EPS8: variants seen among roughly 807,000 people sequenced by gnomAD.
EPS8 encodes epidermal growth factor receptor kinase substrate 8.
Under a neutral mutation model 103.8 loss-of-function variants are expected in EPS8, and 42 were observed. The ratio of observed to expected loss-of-function variants is 0.40; its 90% confidence interval spans 0.32 to 0.52. The LOEUF is 0.52. EPS8 is among the 20% of genes least tolerant of loss of function. The pLI, the probability that EPS8 is intolerant of heterozygous loss-of-function variation, is 0.40. For synonymous variants in EPS8, 344 were observed against 344.6 expected (o/e 1.00, Z 0.02); for missense variants, 969 against 1,005.1 (o/e 0.96, Z 0.49).
chr12:15,752,150 T>G lies in EPS8; in HGVS notation c.-22+37011A>C, dbSNP rs1384865054. 6.6e-6 allele frequency among the ~76,000 whole-genome samples: 1 copy of G among 152,166 alleles called. No homozygotes were observed. Among genetic ancestry groups the G allele is most frequent in the Admixed American group, 6.5e-5 (1 of 15,278 alleles). ...CAAGAAAGCAGCTCCTAATTAGAGC[T>G]ATTAAAATTCCCCTAGGCCGGGCGT... On this transcript the variant is annotated intron_variant, in intron 1 of 20. Transcript: ENST00000281172. The surrounding 1 kb of genome is among the most constrained non-coding windows in gnomAD (Gnocchi z 4.4).
rs1304797516 is a variant in EPS8, at chr12:15,751,777, C to T, written c.-22+37384G>A. Among the ~76,000 whole-genome samples, 1 of 152,004 alleles carries T rather than the reference C, an allele frequency of 6.6e-6. No homozygotes were observed. The highest frequency in any genetic ancestry group is 1.5e-5 in the Non-Finnish European group (1 of 68,022). ...TCCCTCCTCCTTAGTATCCTTCTTACCATACTCTACTTACACCATAGCTCA... is the reference window on the plus strand; with the variant it reads ...TCCCTCCTCCTTAGTATCCTTCTTATCATACTCTACTTACACCATAGCTCA... On this transcript the variant is annotated intron_variant, in intron 1 of 20. Coordinates refer to ENST00000281172, the MANE Select transcript of EPS8 (RefSeq NM_004447.6). This position sits in a 1 kb window ranked among gnomAD's most constrained non-coding sequence, Gnocchi z 4.3.
chr12:15,644,698 A>T (rs1591815253), intron 15 of EPS8, among the ~76,000 whole-genome samples: 1 of 738 alleles, frequency 1.4e-3, no homozygotes, highest in South Asian at 0.1. Flanking sequence ...ACTCTGTCTC[A>T]AAAAAAAAAA....
At position 15,738,020 on chromosome 12, in the gene EPS8, G is replaced by T. The variant is rs190974619; in HGVS notation, c.-22+51141C>A. Among the ~76,000 whole-genome samples, 1,213 of 152,062 alleles carry T rather than the reference G, an allele frequency of 8.0e-3. 14 individuals carry two copies. The highest frequency in any genetic ancestry group is 0.027 in the African/African-American group (1,132 of 41,486). ...AACTTTAAAATTAGCTAAACAAATAGTAAATGAGGGGAATTCGCTCTTCAC... is the reference window on the plus strand; with the variant it reads ...AACTTTAAAATTAGCTAAACAAATATTAAATGAGGGGAATTCGCTCTTCAC... On this transcript the variant is annotated intron_variant, in intron 1 of 20. Coordinates refer to ENST00000281172, the MANE Select transcript of EPS8 (RefSeq NM_004447.6). The surrounding 1 kb of genome is among the most constrained non-coding windows in gnomAD (Gnocchi z 6.2).
intron 6 of EPS8, among the ~76,000 whole-genome samples, chr12:15,668,894 T>C (rs1433858769): frequency 1.3e-5 from 2 of 152,132 alleles, no homozygotes; most frequent in African/African-American, 4.8e-5. Flanking sequence ...ATAAACAGAA[T>C]GCATCTTATT....
At chr12:15,647,673 G>A (rs144735671) in intron 14 of EPS8, among the ~76,000 whole-genome samples, 1 of 152,298 alleles carries the variant, frequency 6.6e-6, no homozygotes, top group Non-Finnish European at 1.5e-5. Flanking sequence ...AACACAGAAA[G>A]GCACAACTAA....
Position 15,681,728 on chromosome 12 carries a change from C to CAAAA in EPS8, c.60-430_60-427dup, listed in dbSNP as rs71042267. Among the ~76,000 whole-genome samples the CAAAA allele has an allele frequency of 2.2e-3, 87 of 39,216 alleles. 4 individuals carry two copies. The East Asian group carries it at 0.05, about 22-fold the overall frequency. The allele number at this position is 39,216 out of a possible 152,430, so 25.7% of individuals were successfully genotyped here. On this transcript the variant is annotated intron_variant, in intron 2 of 20. Coordinates refer to ENST00000281172, the MANE Select transcript of EPS8 (RefSeq NM_004447.6). ...CTGGTGACAGAGCGAGACTCTGTCT[C>CAAAA]AAAAAAAAAAAAAAAAAAAAAAAAA...
At chr12:15,750,463 G>A (rs1946920366) in intron 1 of EPS8, among the ~76,000 whole-genome samples, 1 of 152,134 alleles carries the variant, frequency 6.6e-6, no homozygotes, top group Non-Finnish European at 1.5e-5. Flanking sequence ...CTCTAGATAG[G>A]TTTCATTTTC....
chr12:15,663,465 C>A (rs1271489715), intron 8 of EPS8, among the ~76,000 whole-genome samples: 1 of 152,080 alleles, frequency 6.6e-6, no homozygotes, highest in African/African-American at 2.4e-5. Flanking sequence ...CTGGACTGGA[C>A]CCAGGCCAAA....
In EPS8 at chr12:15,700,087, G is replaced by A. The variant is rs775182602; in HGVS notation, c.-21-17115C>T. Among the ~76,000 whole-genome samples, 1 of 152,142 alleles carries A rather than the reference G, an allele frequency of 6.6e-6. No homozygotes were observed. Among genetic ancestry groups the A allele is most frequent in the South Asian group, 2.1e-4 (1 of 4,834 alleles). On this transcript the variant is annotated intron_variant, in intron 1 of 20. Transcript: ENST00000281172. This position sits in a 1 kb window ranked among gnomAD's most constrained non-coding sequence, Gnocchi z 5.1. Reference sequence around the variant, plus strand: ...CAAGAATTGTTTGAACACAGGAGGCGGAAGTTGCAGTGAGCTGAGATCATG... The same window carrying A: ...CAAGAATTGTTTGAACACAGGAGGCAGAAGTTGCAGTGAGCTGAGATCATG...
Position 15,695,044 on chromosome 12 carries a change from C to G in EPS8, c.-21-12072G>C, listed in dbSNP as rs116723298. On this transcript the variant is annotated intron_variant, in intron 1 of 20. Transcript: ENST00000281172. This position sits in a 1 kb window ranked among gnomAD's most constrained non-coding sequence, Gnocchi z 5.0. ...GCACTTTACATGCATTATCTTACTT[C>G]TTATTAAGAGGTAAAAAGAACTTCT... 1.3e-5 allele frequency among the ~76,000 whole-genome samples: 2 copies of G among 152,016 alleles called. No individual in the cohort carries two copies. Among genetic ancestry groups the G allele is most frequent in the South Asian group, 4.1e-4 (2 of 4,822 alleles).
At position 15,706,250 on chromosome 12, in the gene EPS8, C is replaced by T. The variant is rs1184206843; in HGVS notation, c.-21-23278G>A. ...CTGGGGTGGAGCCTGAGCAAGTTTG[C>T]ACCTTTGCAGAGGGGAGGAGCCTGG... On this transcript the variant is annotated intron_variant, in intron 1 of 20. Transcript: ENST00000281172. The surrounding 1 kb of genome is among the most constrained non-coding windows in gnomAD (Gnocchi z 5.2). 3.3e-5 allele frequency among the ~76,000 whole-genome samples: 5 copies of T among 152,208 alleles called. No homozygotes were observed. Among genetic ancestry groups the T allele is most frequent in the Non-Finnish European group, 5.9e-5 (4 of 68,032 alleles).
At position 15,696,165 on chromosome 12, in the gene EPS8, G is replaced by A. The variant is rs1946240810; in HGVS notation, c.-21-13193C>T. 6.6e-6 allele frequency among the ~76,000 whole-genome samples: 1 copy of A among 152,118 alleles called. No homozygotes were observed. The highest frequency in any genetic ancestry group is 2.1e-4 in the South Asian group (1 of 4,818). ...AGTGTTTTTAATGTTTCAAGACAAG[G>A]TGAAACAGTACTCTGTTGACAAAAA... On this transcript the variant is annotated intron_variant, in intron 1 of 20. Coordinates refer to ENST00000281172, the MANE Select transcript of EPS8 (RefSeq NM_004447.6). This position sits in a 1 kb window ranked among gnomAD's most constrained non-coding sequence, Gnocchi z 4.8.
In EPS8 at chr12:15,695,146, C is replaced by T. The variant is rs371563297; in HGVS notation, c.-21-12174G>A. Among the ~76,000 whole-genome samples the T allele has an allele frequency of 6.4e-4, 98 of 152,282 alleles. No individual in the cohort carries two copies. The South Asian group carries it at 7.7e-3, about 12-fold the overall frequency. Reference sequence around the variant, plus strand: ...GGTAATTTGGCCATGACATCAGCAACAAGTTGTGCTTTTAACCACTATTAT... The same window carrying T: ...GGTAATTTGGCCATGACATCAGCAATAAGTTGTGCTTTTAACCACTATTAT... On this transcript the variant is annotated intron_variant, in intron 1 of 20. Coordinates refer to ENST00000281172, the MANE Select transcript of EPS8 (RefSeq NM_004447.6). The surrounding 1 kb of genome is among the most constrained non-coding windows in gnomAD (Gnocchi z 5.0).
rs978358688 is a variant in EPS8, at chr12:15,695,701, A to G, written c.-21-12729T>C. ...ATGAAATAAGAAAATGAGGCAGGGC[A>G]TGGTGGCCCACACCTATAATCCCAG... On this transcript the variant is annotated intron_variant, in intron 1 of 20. Transcript: ENST00000281172. This position sits in a 1 kb window ranked among gnomAD's most constrained non-coding sequence, Gnocchi z 5.0. Among the ~76,000 whole-genome samples, 6 of 152,150 alleles carry G rather than the reference A, an allele frequency of 3.9e-5. No homozygotes were observed. The highest frequency in any genetic ancestry group is 1.4e-4 in the African/African-American group (6 of 41,450).
chr12:15,744,886 T>G (rs1041561479), intron 1 of EPS8, among the ~76,000 whole-genome samples: 3 of 151,532 alleles, frequency 2.0e-5, no homozygotes, highest in Non-Finnish European at 4.4e-5. Context: ...TTACTATTAT[T>G]TTTTTTTTGA....
rs1946496578 is a variant in EPS8 at position 15,713,700 on chromosome 12, T to C, written c.-21-30728A>G. 6.6e-6 allele frequency among the ~76,000 whole-genome samples: 1 copy of C among 152,216 alleles called. No individual in the cohort carries two copies. Among genetic ancestry groups the C allele is most frequent in the African/African-American group, 2.4e-5 (1 of 41,460 alleles). ...GGCACACGAGGTATAAAGTTGGTAC[T>C]GAGATTCTTCCAGAAAACCAGGGCT... On this transcript the variant is annotated intron_variant, in intron 1 of 20. Coordinates refer to ENST00000281172, the MANE Select transcript of EPS8 (RefSeq NM_004447.6). The surrounding 1 kb of genome is among the most constrained non-coding windows in gnomAD (Gnocchi z 4.8).
Position 15,623,253 on chromosome 12 carries a change from G to A in EPS8, c.2260C>T (p.Gln754Ter), listed in dbSNP as rs752032822. The A allele has an allele frequency of 6.2e-7, 1 of 1,610,972 alleles. No individual in the cohort carries two copies. The highest frequency in any genetic ancestry group is 1.1e-5 in the South Asian group (1 of 90,886). Residue 754 changes from glutamine (Q) to a stop codon, truncating the protein, a stop_gained, in exon 20 of 21, where the codon CAA (glutamine) becomes TAA (stop). Transcript: ENST00000281172. LOFTEE classifies it high-confidence loss of function. The stretch of plus-strand genomic sequence containing the variant: ...TCATCCTTATTGAGAGAGAAAAGTT[G>A]TGCACCATTTAATACTCCAAGACTA... ...VNSLGVLNGA[Q>*]LFSLNKDELR...
In EPS8 at chr12:15,669,807, G is replaced by T; in HGVS notation, c.223C>A (p.Leu75Met). 6.2e-7 allele frequency: 1 copy of T among 1,601,606 alleles called. No individual in the cohort carries two copies. ...GTGATCATAGCATCTTTCCGATCCA[G>T]GACAAAGGTAGTCAAGTGCTTACAA... ...YRVEHLTTFV[L>M]DRKDAMITVD... The change falls in exon 5 of 21, where the codon CTG becomes ATG. Residue 75 changes from leucine (L) to methionine (M), a missense_variant. Transcript: ENST00000281172.
rs1335273735 is a variant in EPS8 at position 15,748,137 on chromosome 12, A to C, written c.-22+41024T>G. Among the ~76,000 whole-genome samples the C allele has an allele frequency of 1.3e-5, 2 of 152,154 alleles. No homozygotes were observed. Among genetic ancestry groups the C allele is most frequent in the African/African-American group, 4.8e-5 (2 of 41,420 alleles). The stretch of plus-strand genomic sequence containing the variant: ...CCGCAACTTAATAACCCACAGTCAA[A>C]TCTCAGAGCCTCTTATCCTCAGATT... On this transcript the variant is annotated intron_variant, in intron 1 of 20. Transcript: ENST00000281172. The surrounding 1 kb of genome is among the most constrained non-coding windows in gnomAD (Gnocchi z 4.8).
Sources: gnomAD v4.1 joint callset for allele counts (sites outside exome capture counted in the v4.1 genomes callset) on GRCh38, gnomAD v4.1.1 for gene constraint, Gnocchi (gnomAD v3.1) non-coding constraint, MANE v1.5 for transcripts, NCBI Gene and HGNC (gene_info 2026-07-23, HGNC 2026-07-21) for gene names.